CCDC69: variants seen among roughly 807,000 people sequenced by gnomAD.
CCDC69 encodes coiled-coil domain-containing protein 69.
Under a neutral mutation model 40.3 loss-of-function variants are expected in CCDC69, and 38 were observed. The observed-to-expected ratio is 0.94, with a 90% CI of 0.73 to 1.24. The LOEUF (loss-of-function observed/expected upper bound fraction) is 1.24, where lower values mean the gene tolerates loss of function less well. Among genes scored for constraint, CCDC69 ranks in the 50% most tolerant of loss-of-function variants. The pLI is 0.00. For missense variants in CCDC69, 389 were observed against 357.9 expected (o/e 1.09, Z -0.70); for synonymous variants, 141 against 138.9 (o/e 1.02, Z -0.11).
chr5:151,209,169 C>T (rs1037309291), intron 1 of CCDC69, among the ~76,000 whole-genome samples: 3 of 152,214 alleles, frequency 2.0e-5, no homozygotes, highest in African/African-American at 4.8e-5. Context: ...CTCCATGCCT[C>T]GGATTTCTCA....
rs1328586206 is a variant in CCDC69 at position 151,203,817 on chromosome 5, T to TATATATAGTATATATATAAAATATATATC, written c.124+1554_124+1582dup. On this transcript the variant is annotated intron_variant, in intron 2 of 8. Coordinates refer to ENST00000355417, the MANE Select transcript of CCDC69 (RefSeq NM_015621.3). ...TATATAGTATATATAATATATATCG[T>TATATATAGTATATATATAAAATATATATC]ATATATAGTATATATATAAAATATA... Among the ~76,000 whole-genome samples, 6 of 123,904 alleles carry TATATATAGTATATATATAAAATATATATC rather than the reference T, an allele frequency of 4.8e-5. No individual in the cohort carries two copies. The Admixed American group carries it at 5.2e-4, about 11-fold the overall frequency. 81.3% of individuals were successfully genotyped at this position (123,904 alleles called of 152,430 possible).
intron 1 of CCDC69, among the ~76,000 whole-genome samples, chr5:151,218,834 G>A (rs1753091932): frequency 6.6e-6 from 1 of 152,156 alleles, no homozygotes; most frequent in South Asian, 2.1e-4. Flanking sequence ...AGGCTCTCAG[G>A]GGACCTACAT....
chr5:151,206,775 T>G (rs1752858944), intron 1 of CCDC69, among the ~76,000 whole-genome samples: 1 of 150,404 alleles, frequency 6.6e-6, no homozygotes, highest in Admixed American at 6.6e-5. Flanking sequence ...GGACTACAGG[T>G]GCATGCCACC....
chr5:151,183,783 A>G (rs1766679560), intron 8 of CCDC69, among the ~76,000 whole-genome samples, 169 bp from the exon 9 acceptor site: 1 of 152,192 alleles, frequency 6.6e-6, no homozygotes, highest in Admixed American at 6.5e-5. Flanking sequence ...TTGACCAAGG[A>G]GCGGGGGCCT....
intron 4 of CCDC69, among the ~76,000 whole-genome samples, chr5:151,192,299 C>G (rs1409961204): frequency 6.6e-6 from 1 of 151,426 alleles, no homozygotes; most frequent in Non-Finnish European, 1.5e-5. Context: ...GCAAGACTGA[C>G]AAAGAAAAGA....
intron 1 of CCDC69, chr5:151,212,272 C>G (rs1459900579): frequency 6.5e-6 from 1 of 153,650 alleles, no homozygotes; most frequent in African/African-American, 2.4e-5. Flanking sequence ...AAGTCATGTT[C>G]CTTCTCAGTT....
chr5:151,223,933 G>A lies in CCDC69; in HGVS notation c.38C>T (p.Pro13Leu). The change falls in exon 1 of 9, where the codon CCC becomes CTC. Residue 13 changes from proline (P) to leucine (L), a missense_variant. By Grantham distance (98) the Pro-to-Leu change is moderately conservative. Transcript: ENST00000355417. ...CRHSRLSSCK[P>L]PKKKRQEPEP... ...GCCGGCGCCCTTTACCTTTTTCGGG[G>A]GTTTGCAGCTGCTCAGCCTGCTGTG... 6.3e-7 allele frequency: 1 copy of A among 1,581,534 alleles called. No individual in the cohort carries two copies. Among genetic ancestry groups the A allele is most frequent in the Non-Finnish European group, 8.6e-7 (1 of 1,166,502 alleles).
chr5:151,218,365 C>T (rs1223156702), intron 1 of CCDC69, among the ~76,000 whole-genome samples: 1 of 152,158 alleles, frequency 6.6e-6, no homozygotes, highest in Non-Finnish European at 1.5e-5. Context: ...CTGGGGACGG[C>T]TCACAGTGCT....
chr5:151,194,828 G>A (rs1001378074), intron 4 of CCDC69, among the ~76,000 whole-genome samples: 1 of 147,420 alleles, frequency 6.8e-6, no homozygotes, highest in Non-Finnish European at 1.5e-5. Flanking sequence ...GGAGGCGGAG[G>A]TTGCAGTGAG....
At chr5:151,197,150 C>T (rs1290585588) in intron 4 of CCDC69, among the ~76,000 whole-genome samples, 1 of 152,218 alleles carries the variant, frequency 6.6e-6, no homozygotes, top group Non-Finnish European at 1.5e-5. Flanking sequence ...TATACAATCC[C>T]GTTTATATGC....
At position 151,224,046 on chromosome 5, in the gene CCDC69, C is replaced by T. The variant is rs1753179283; in HGVS notation, c.-76G>A. 3.0e-5 allele frequency: 40 copies of T among 1,324,362 alleles called. No individual in the cohort carries two copies. Among genetic ancestry groups the T allele is most frequent in the Non-Finnish European group, 4.1e-5 (40 of 982,820 alleles). The allele number at this position is 1,324,362 out of a possible 1,614,324, so 82.0% of individuals were successfully genotyped here. A position where few individuals can be genotyped will look rare whatever the true frequency, so the allele number is the denominator to read the frequency against. On this transcript the variant is annotated 5_prime_UTR_variant, in exon 1 of 9. Coordinates refer to ENST00000355417, the MANE Select transcript of CCDC69 (RefSeq NM_015621.3). Reference sequence around the variant, plus strand: ...GGAGCCTGCGATCCGGGCCCCGCTGCCCGCTCCGCGCCCGCCGGCTGGGGC... The same window carrying T: ...GGAGCCTGCGATCCGGGCCCCGCTGTCCGCTCCGCGCCCGCCGGCTGGGGC...
intron 8 of CCDC69, among the ~76,000 whole-genome samples, chr5:151,183,972 C>G: frequency 6.6e-6 from 1 of 152,132 alleles, no homozygotes; most frequent in East Asian, 1.9e-4. Context: ...AAAATATGTA[C>G]AGTATTCAAT....
intron 2 of CCDC69, among the ~76,000 whole-genome samples, chr5:151,203,670 A>T (rs1198327566): frequency 7.2e-6 from 1 of 139,400 alleles, no homozygotes; most frequent in East Asian, 2.0e-4. Context: ...TATATATAAA[A>T]AATAGTATAT....
At position 151,183,546 on chromosome 5, in the gene CCDC69, A is replaced by T; in HGVS notation, c.782T>A (p.Leu261His). 2 of 1,611,636 alleles carry T rather than the reference A, an allele frequency of 1.2e-6. No homozygotes were observed. Among genetic ancestry groups the T allele is most frequent in the Non-Finnish European group, 1.7e-6 (2 of 1,179,296 alleles). The stretch of plus-strand genomic sequence containing the variant: ...CAACAGCTCCTCCTTCTCCTGCTGG[A>T]GCTGTCGCCGCAGCTGCACCTCCTT... ...LEKEVQLRRQLQQEKEELLYR... is the reference protein window; with the variant it reads ...LEKEVQLRRQHQQEKEELLYR... Residue 261 changes from leucine (L) to histidine (H), a missense_variant, in exon 9 of 9, where the codon CTC (leucine) becomes CAC (histidine). Transcript: ENST00000355417.
intron 1 of CCDC69, among the ~76,000 whole-genome samples, chr5:151,211,942 T>C (rs1049362825): frequency 1.4e-5 from 2 of 145,254 alleles, no homozygotes; most frequent in Admixed American, 7.0e-5. Flanking sequence ...AATCCCCAGG[T>C]TGGGGTCCTG....
chr5:151,192,189 C>T (rs1410180095), intron 4 of CCDC69, among the ~76,000 whole-genome samples: 1 of 108,870 alleles, frequency 9.2e-6, no homozygotes, highest in African/African-American at 3.7e-5. Flanking sequence ...ATAACAGAAA[C>T]CAGTGAGATG....
intron 4 of CCDC69, among the ~76,000 whole-genome samples, chr5:151,196,673 C>T (rs1294536194): frequency 1.3e-5 from 2 of 152,070 alleles, no homozygotes; most frequent in East Asian, 1.9e-4. Context: ...AACCACAATG[C>T]GAAACCACTT....
intron 1 of CCDC69, among the ~76,000 whole-genome samples, chr5:151,205,765 G>A (rs993528186): frequency 3.3e-5 from 5 of 152,142 alleles, no homozygotes; most frequent in Non-Finnish European, 7.4e-5. Flanking sequence ...TGCCATCCCT[G>A]GGGGCCTCTC....
At chr5:151,196,795 C>T (rs1752707775) in intron 4 of CCDC69, among the ~76,000 whole-genome samples, 1 of 152,178 alleles carries the variant, frequency 6.6e-6, no homozygotes, top group Non-Finnish European at 1.5e-5. Flanking sequence ...TGGTACAGCC[C>T]CTGTGGAAAA....
Sources: gnomAD v4.1 joint callset for allele counts (sites outside exome capture counted in the v4.1 genomes callset) on GRCh38, gnomAD v4.1.1 for gene constraint, MANE v1.5 for transcripts, NCBI Gene and HGNC (gene_info 2026-07-23, HGNC 2026-07-21) for gene names.